The following EPN2 variants were observed in gnomAD, a reference collection of about 807,000 sequenced individuals.
EPN2 encodes epsin 2, also known as epsin-2.
EPN2 carries 34 observed loss-of-function variants against 61.7 expected under a neutral mutation model. The observed-to-expected ratio is 0.55, with a 90% CI of 0.42 to 0.73. EPN2 has a LOEUF of 0.73. Ranked by LOEUF, EPN2 falls within the 30% of genes least tolerant of loss-of-function variation. The pLI, the probability that EPN2 is intolerant of heterozygous loss-of-function variation, is 0.00. For missense variants in EPN2, 714 were observed against 839.2 expected, an observed-to-expected ratio of 0.85 and a Z score of 1.84; for synonymous variants, 349 against 353.6, an observed-to-expected ratio of 0.99 and a Z score of 0.15.
intron 1 of EPN2, among the ~76,000 whole-genome samples, chr17:19,275,839 G>C (rs1396431692): frequency 6.6e-6 from 1 of 152,178 alleles, no homozygotes; most frequent in African/African-American, 2.4e-5. Context: ...GTGAGTATTC[G>C]CTTTCATATT....
intron 1 of EPN2, chr17:19,276,499 A>G (rs2045307142): frequency 6.8e-6 from 1 of 146,482 alleles, no homozygotes; most frequent in Non-Finnish European, 1.5e-5. Flanking sequence ...GGCGTGAGCC[A>G]CTGCACCTGG....
chr17:19,315,467 G>A (rs1369164176), intron 7 of EPN2, among the ~76,000 whole-genome samples: 5 of 152,096 alleles, frequency 3.3e-5, no homozygotes, highest in Non-Finnish European at 7.4e-5. Flanking sequence ...TTAAGAACTT[G>A]AGATAAAATT....
chr17:19,295,358 A>ACGCG (rs559120143), intron 4 of EPN2, among the ~76,000 whole-genome samples: 924 of 66,606 alleles, frequency 0.014, 4 homozygotes, highest in East Asian at 0.022. Context: ...ACACACACAC[A>ACGCG]CACACACACG....
chr17:19,315,256 G>A (rs1391386796), intron 7 of EPN2, among the ~76,000 whole-genome samples: 2 of 152,292 alleles, frequency 1.3e-5, no homozygotes, highest in East Asian at 3.9e-4. Context: ...TCTGGGCCGA[G>A]CCAAGGACCT....
intron 4 of EPN2, among the ~76,000 whole-genome samples, chr17:19,295,161 C>T (rs1282442263): frequency 1.3e-5 from 2 of 152,108 alleles, no homozygotes; most frequent in African/African-American, 2.4e-5. Flanking sequence ...GCAGGAGCCC[C>T]GTTCATGCCC....
At chr17:19,313,616 G>A in intron 7 of EPN2, 1 of 277,660 alleles carries the variant, frequency 3.6e-6, no homozygotes, top group Non-Finnish European at 6.8e-6. Context: ...CCAGCTGAAG[G>A]AACCAAAATA....
intron 1 of EPN2, chr17:19,249,534 A>T (rs2044990170): frequency 6.6e-6 from 1 of 152,170 alleles, no homozygotes; most frequent in African/African-American, 2.4e-5. Context: ...AAGGTAAGGG[A>T]CCTTGCGTTA....
chr17:19,250,867 C>G (rs1456958893), intron 1 of EPN2, among the ~76,000 whole-genome samples: 2 of 147,472 alleles, frequency 1.4e-5, no homozygotes, highest in Non-Finnish European at 3.0e-5. Flanking sequence ...CACTTACTGC[C>G]TCTATACCCT....
At chr17:19,315,262 GA>G (rs1440263285) in intron 7 of EPN2, among the ~76,000 whole-genome samples, 1 of 152,202 alleles carries the variant, frequency 6.6e-6, no homozygotes, top group Non-Finnish European at 1.5e-5. Context: ...CCGAGCCAAG[GA>G]CCTGACCTGA....
chr17:19,327,841 A>T (rs1906956101), intron 7 of EPN2, among the ~76,000 whole-genome samples: 1 of 152,152 alleles, frequency 6.6e-6, no homozygotes, highest in Non-Finnish European at 1.5e-5. Context: ...TTGGGGTAGG[A>T]ATGTCATTGG....
chr17:19,330,892 G>C (rs4924984), intron 9 of EPN2, among the ~76,000 whole-genome samples: 147,082 of 152,312 alleles, frequency 0.97, 71,285 homozygotes, highest in African/African-American at 0.99. Context: ...GTCCCAGCTA[G>C]TCAAGAGGCT....
At chr17:19,319,413 C>T (rs551232840) in intron 7 of EPN2, among the ~76,000 whole-genome samples, 29 of 151,862 alleles carry the variant, frequency 1.9e-4, no homozygotes, top group African/African-American at 6.5e-4. Flanking sequence ...CAACCTCTGC[C>T]TTCCAGGTTC....
At chr17:19,253,779 CA>C (rs2045042516) in intron 1 of EPN2, among the ~76,000 whole-genome samples, 1 of 152,114 alleles carries the variant, frequency 6.6e-6, no homozygotes, top group Admixed American at 6.5e-5. Context: ...AAGAAAATGT[CA>C]CATGTGAGAG....
intron 1 of EPN2, among the ~76,000 whole-genome samples, chr17:19,276,781 T>TG (rs1266941538): frequency 6.7e-6 from 1 of 150,160 alleles, no homozygotes; most frequent in Non-Finnish European, 1.5e-5. Flanking sequence ...AAGTTTTTTT[T>TG]TTTTTTTTTT....
intron 7 of EPN2, among the ~76,000 whole-genome samples, chr17:19,321,114 G>A (rs1345013558): frequency 6.6e-6 from 1 of 152,180 alleles, no homozygotes; most frequent in African/African-American, 2.4e-5. Context: ...ACTGCATGGC[G>A]GGCTGGCATA....
chr17:19,263,646 G>T (rs1027105637), intron 1 of EPN2, among the ~76,000 whole-genome samples: 2 of 152,188 alleles, frequency 1.3e-5, no homozygotes, highest in Admixed American at 1.3e-4. Context: ...TGTAATGCCT[G>T]CCTTGCAAAA....
At chr17:19,254,706 G>A (rs1348106341) in intron 1 of EPN2, among the ~76,000 whole-genome samples, 2 of 152,060 alleles carry the variant, frequency 1.3e-5, no homozygotes, top group African/African-American at 4.8e-5. Context: ...TGAGGTTTGA[G>A]GATGAGTAGT....
At chr17:19,326,347 A>T (rs575610765) in intron 7 of EPN2, among the ~76,000 whole-genome samples, 1 of 152,222 alleles carries the variant, frequency 6.6e-6, no homozygotes, top group Non-Finnish European at 1.5e-5. Flanking sequence ...GATTTGCTGT[A>T]TCAGATATCA....
At chr17:19,249,923 G>C (rs375523013) in intron 1 of EPN2, among the ~76,000 whole-genome samples, 1 of 151,474 alleles carries the variant, frequency 6.6e-6, no homozygotes, top group Non-Finnish European at 1.5e-5. Flanking sequence ...TCCTTGGCTC[G>C]TGCTCCTTCC....
Sources: allele counts gnomAD v4.1 joint callset (sites outside exome capture counted in the v4.1 genomes callset), GRCh38; gene constraint gnomAD v4.1.1; transcripts MANE v1.5; gene names NCBI Gene and HGNC (gene_info 2026-07-23, HGNC 2026-07-21).